NEK11: variants seen among roughly 807,000 people sequenced by gnomAD.
NEK11 encodes the protein NIMA related kinase 11.
A neutral mutation model predicts 80.7 loss-of-function variants in NEK11; 72 were observed. That is an observed-to-expected ratio of 0.89 (90% CI 0.74 to 1.08). The LOEUF (loss-of-function observed/expected upper bound fraction) is 1.08. Ranked by LOEUF, NEK11 falls within the 50% of genes least tolerant of loss-of-function variation. The probability of loss-of-function intolerance (pLI) is 0.00; values close to 1 mark genes in which losing one functional copy is unlikely to be tolerated. For missense variants in NEK11, 764 were observed against 763.6 expected (o/e 1.00, Z -0.01); for synonymous variants, 251 against 260.7 (o/e 0.96, Z 0.36).
At chr3:131,198,906 G>A (rs912132363) in intron 14 of NEK11, among the ~76,000 whole-genome samples, 2 of 152,094 alleles carry the variant, frequency 1.3e-5, no homozygotes, top group Non-Finnish European at 2.9e-5. Context: ...ATCCATATTC[G>A]GCAGAAACCT....
At chr3:131,243,065 C>A (rs960443560) in intron 15 of NEK11, among the ~76,000 whole-genome samples, 1 of 152,010 alleles carries the variant, frequency 6.6e-6, no homozygotes, top group Non-Finnish European at 1.5e-5. Flanking sequence ...TAAAATATTT[C>A]TTTTATTCTA....
At chr3:131,230,580 CTTAATG>C (rs1454704018) in intron 15 of NEK11, among the ~76,000 whole-genome samples, 1 of 152,082 alleles carries the variant, frequency 6.6e-6, no homozygotes, top group African/African-American at 2.4e-5. Flanking sequence ...GCCAAAACTC[CTTAATG>C]TTAAAGTGAG....
chr3:131,057,700 C>T (rs1231723837), intron 3 of NEK11, among the ~76,000 whole-genome samples: 8 of 151,786 alleles, frequency 5.3e-5, no homozygotes, highest in African/African-American at 1.9e-4. Context: ...TGAGAAGTGT[C>T]TGTTCATATC....
intron 16 of NEK11, among the ~76,000 whole-genome samples, chr3:131,269,517 C>T (rs1028473810): frequency 1.5e-4 from 23 of 152,206 alleles, no homozygotes; most frequent in African/African-American, 4.3e-4. Flanking sequence ...CTTGGCTAGG[C>T]GACGCCCCAC....
intron 11 of NEK11, among the ~76,000 whole-genome samples, chr3:131,164,338 A>G (rs960280341): frequency 1.3e-5 from 2 of 152,216 alleles, no homozygotes; most frequent in Admixed American, 6.5e-5. Flanking sequence ...TATTTACACA[A>G]TCTGCTCTTG....
intron 4 of NEK11, among the ~76,000 whole-genome samples, chr3:131,096,268 CAT>C (rs1206924534): frequency 6.6e-6 from 1 of 151,922 alleles, no homozygotes; most frequent in Non-Finnish European, 1.5e-5. Flanking sequence ...CCACTTATAA[CAT>C]GTGATATTTG....
intron 17 of NEK11, among the ~76,000 whole-genome samples, chr3:131,324,000 G>A (rs530597970): frequency 4.6e-5 from 7 of 152,314 alleles, no homozygotes; most frequent in Admixed American, 3.9e-4. Flanking sequence ...CTCAGTGACA[G>A]TGTGGTATTG....
chr3:131,041,986 G>A (rs2066566096), intron 3 of NEK11, among the ~76,000 whole-genome samples: 5 of 152,150 alleles, frequency 3.3e-5, no homozygotes, highest in Admixed American at 2.6e-4. Flanking sequence ...ACCTCACCCC[G>A]GAAGTGCAAG....
intron 3 of NEK11, among the ~76,000 whole-genome samples, chr3:131,047,708 C>T (rs2067628447): frequency 6.6e-6 from 1 of 152,120 alleles, no homozygotes; most frequent in African/African-American, 2.4e-5. Flanking sequence ...CTGCGAGGGT[C>T]CTTGGTTGTA....
chr3:131,300,106 G>T (rs1022734267), intron 17 of NEK11, among the ~76,000 whole-genome samples: 1 of 152,060 alleles, frequency 6.6e-6, no homozygotes, highest in Non-Finnish European at 1.5e-5. Flanking sequence ...TTGTGGTTTT[G>T]ATATGCATTT....
intron 5 of NEK11, among the ~76,000 whole-genome samples, chr3:131,118,957 T>C (rs1418063515): frequency 6.6e-6 from 1 of 152,216 alleles, no homozygotes; most frequent in Non-Finnish European, 1.5e-5. Context: ...GGGTTTTTTG[T>C]GTCTCTATCT....
chr3:131,224,930 CAAG>C (rs1211379756), intron 14 of NEK11, among the ~76,000 whole-genome samples: 35 of 152,236 alleles, frequency 2.3e-4, no homozygotes, highest in African/African-American at 6.0e-4. Flanking sequence ...ACAATAGAGT[CAAG>C]AAGTTTAAAA....
chr3:131,242,935 G>A (rs1005507591), intron 15 of NEK11, among the ~76,000 whole-genome samples: 3 of 152,094 alleles, frequency 2.0e-5, no homozygotes, highest in Non-Finnish European at 2.9e-5. Context: ...GGTAAATGAC[G>A]AGTGGTATTC....
chr3:131,317,002 C>G (rs937272886), intron 17 of NEK11, among the ~76,000 whole-genome samples: 1 of 152,192 alleles, frequency 6.6e-6, no homozygotes, highest in African/African-American at 2.4e-5. Flanking sequence ...CTTAAAATTT[C>G]AAATGAAAGT....
chr3:131,047,050 A>G (rs1392233013), intron 3 of NEK11, among the ~76,000 whole-genome samples: 1 of 152,134 alleles, frequency 6.6e-6, no homozygotes, highest in Admixed American at 6.5e-5. Flanking sequence ...CAAGGTCTGA[A>G]GTTTTTTCTT....
intron 5 of NEK11, among the ~76,000 whole-genome samples, chr3:131,126,551 T>C (rs2083372991): frequency 6.6e-6 from 1 of 152,240 alleles, no homozygotes; most frequent in African/African-American, 2.4e-5. Context: ...TGGATTCTGT[T>C]ATTGATGTTA....
intron 14 of NEK11, among the ~76,000 whole-genome samples, chr3:131,196,309 G>T (rs2094006295): frequency 6.6e-6 from 1 of 151,760 alleles, no homozygotes; most frequent in African/African-American, 2.4e-5. Flanking sequence ...TGGAAAAATT[G>T]CCTGTTTGGA....
intron 17 of NEK11, among the ~76,000 whole-genome samples, chr3:131,319,834 T>A (rs2109697559): frequency 6.6e-6 from 1 of 152,266 alleles, no homozygotes; most frequent in Non-Finnish European, 1.5e-5. Context: ...CAAAGATGGT[T>A]ATCTAGCCTC....
rs1248254096 is a variant in NEK11 at position 131,106,201 on chromosome 3, A to G, written c.337-3602A>G. On this transcript the variant is annotated intron_variant, in intron 4 of 17. Coordinates refer to ENST00000383366, the MANE Select transcript of NEK11 (RefSeq NM_024800.5). ...CATTTTTTTCAATGTGGCACAGAAC[A>G]TTTATTAACAGTCCCAACTGTCTTT... Among the ~76,000 whole-genome samples the G allele has an allele frequency of 4.0e-5, 6 of 151,508 alleles. No homozygotes were observed. The East Asian group carries it at 7.7e-4, about 20-fold the overall frequency.
Sources: allele counts gnomAD v4.1 joint callset (sites outside exome capture counted in the v4.1 genomes callset), GRCh38; gene constraint gnomAD v4.1.1; transcripts MANE v1.5; gene names NCBI Gene and HGNC (gene_info 2026-07-23, HGNC 2026-07-21).